NHSL2: variants seen among roughly 807,000 people sequenced by gnomAD.
NHSL2 encodes the protein NHS like 2.
A neutral mutation model predicts 53.4 loss-of-function variants in NHSL2; 27 were observed. The ratio of observed to expected loss-of-function variants is 0.51; its 90% confidence interval spans 0.37 to 0.70. The LOEUF (loss-of-function observed/expected upper bound fraction) is 0.70, where lower values mean the gene tolerates loss of function less well. Ranked by LOEUF, NHSL2 falls within the 30% of genes least tolerant of loss-of-function variation. NHSL2 has a pLI of 0.00. For synonymous variants in NHSL2, 408 were observed against 404.1 expected (o/e 1.01, Z -0.12); for missense variants, 892 against 980.1 (o/e 0.91, Z 1.20).
chrX:72,137,794 T>C (rs1243508828), intron 5 of NHSL2, among the ~76,000 whole-genome samples: 1 of 112,117 alleles, frequency 8.9e-6, no homozygotes, highest in Non-Finnish European at 1.9e-5. Flanking sequence ...CAGTGTCCAA[T>C]AAATGGTGGC....
chrX:72,014,246 T>G (rs1353315100), intron 1 of NHSL2, among the ~76,000 whole-genome samples: 1 of 112,022 alleles, frequency 8.9e-6, no homozygotes, highest in Non-Finnish European at 1.9e-5. Flanking sequence ...AGCTCTTTAT[T>G]TCATTGATTT....
At position 72,049,446 on chromosome X, in the gene NHSL2, G is replaced by C. The variant is rs138645100; in HGVS notation, c.281-82633G>C. On this transcript the variant is annotated intron_variant, in intron 1 of 7. Transcript: ENST00000633930. ...CAAAGGCATTGCAGCTCTCCAAGCT[G>C]TACATCTAGCAGGAGGAGGCACCTT... is the stretch of plus-strand genomic sequence containing the variant. Among the ~76,000 whole-genome samples, 650 of 110,934 alleles carry C rather than the reference G, an allele frequency of 5.9e-3. 4 individuals are homozygous for C. The highest frequency in any genetic ancestry group is 0.02 in the African/African-American group (620 of 30,437).
chrX:71,956,750 G>C (rs916473358), intron 1 of NHSL2, among the ~76,000 whole-genome samples: 6 of 111,078 alleles, frequency 5.4e-5, no homozygotes, highest in Admixed American at 2.9e-4. Context: ...CAGCCAACAC[G>C]TAACTGAGCT....
intron 1 of NHSL2, among the ~76,000 whole-genome samples, chrX:72,004,287 G>A (rs2042083908): frequency 8.9e-6 from 1 of 112,288 alleles, no homozygotes; most frequent in Non-Finnish European, 1.9e-5. Flanking sequence ...GGCTCGCACT[G>A]CCTATTTAGC....
At chrX:72,040,231 C>T (rs892430782) in intron 1 of NHSL2, among the ~76,000 whole-genome samples, 1 of 111,707 alleles carries the variant, frequency 9.0e-6, no homozygotes, top group Non-Finnish European at 1.9e-5. Flanking sequence ...AAGGAATCAG[C>T]GCTGGATGGG....
At chrX:72,136,455 CA>C (rs2042356449) in intron 4 of NHSL2, among the ~76,000 whole-genome samples, 1 of 111,256 alleles carries the variant, frequency 9.0e-6, no homozygotes, top group Admixed American at 9.5e-5. Context: ...ATTGAAAAGC[CA>C]GTGCCAGGAA....
intron 1 of NHSL2, among the ~76,000 whole-genome samples, chrX:72,037,783 C>T (rs1288489930): frequency 3.6e-5 from 4 of 111,806 alleles, no homozygotes; most frequent in Non-Finnish European, 5.6e-5. Flanking sequence ...TGAGAGATAC[C>T]GTGTTGCAGG....
At chrX:71,987,579 C>T (rs1168413433) in intron 1 of NHSL2, among the ~76,000 whole-genome samples, 1 of 112,608 alleles carries the variant, frequency 8.9e-6, no homozygotes. Flanking sequence ...TTTTATTTTA[C>T]CAGTAACCTT....
At chrX:71,919,891 G>C (rs1405822055) in intron 1 of NHSL2, among the ~76,000 whole-genome samples, 3 of 112,866 alleles carry the variant, frequency 2.7e-5, no homozygotes, top group African/African-American at 9.6e-5. Context: ...CTGCCTTTGG[G>C]CAGAGCTCTT....
intron 1 of NHSL2, among the ~76,000 whole-genome samples, chrX:71,936,084 A>G (rs1335320473): frequency 1.8e-5 from 2 of 112,175 alleles, no homozygotes; most frequent in African/African-American, 3.2e-5. Context: ...TCATAAGCCT[A>G]TTTGACAGAG....
chrX:71,911,906 C>T (rs1013691020), intron 1 of NHSL2, among the ~76,000 whole-genome samples: 1 of 111,985 alleles, frequency 8.9e-6, no homozygotes, highest in Non-Finnish European at 1.9e-5. Flanking sequence ...AGCGTGGACG[C>T]GGCTCCCACT....
At chrX:72,134,258 A>G in intron 3 of NHSL2, 40 bp downstream of exon 3, 1 of 1,140,234 alleles carries the variant, frequency 8.8e-7, no homozygotes, top group Non-Finnish European at 1.2e-6. Flanking sequence ...GCCAGCATGC[A>G]CCCACTGACA....
At chrX:72,091,337 C>T (rs1403261057) in intron 1 of NHSL2, among the ~76,000 whole-genome samples, 2 of 111,250 alleles carry the variant, frequency 1.8e-5, no homozygotes, top group Non-Finnish European at 3.8e-5. Context: ...GCCTGTAGTC[C>T]CAGCTACTCA....
rs1044178208 is a variant in NHSL2 at position 72,146,023 on chromosome X, T to C, written c.*2449T>C. 2 of 112,229 alleles carry C rather than the reference T, an allele frequency of 1.8e-5. No individual in the cohort carries two copies. Among genetic ancestry groups the C allele is most frequent in the Non-Finnish European group, 3.8e-5 (2 of 52,851 alleles). 9.2% of individuals were successfully genotyped at this position (112,229 alleles called of 1,213,427 possible). On this transcript the variant is annotated 3_prime_UTR_variant, in exon 8 of 8. Coordinates refer to ENST00000633930, the MANE Select transcript of NHSL2 (RefSeq NM_001013627.3). ...AAGAGGATTTGGGGCAGAAATCATA[T>C]GGTCAGAGAGAACATTTAAGACCGG...
chrX:72,125,806 A>G (rs1488344255), intron 1 of NHSL2, among the ~76,000 whole-genome samples: 2 of 111,738 alleles, frequency 1.8e-5, no homozygotes, highest in Non-Finnish European at 3.8e-5. Context: ...GGGGCAGTCA[A>G]CCACATACTT....
chrX:71,963,536 C>G (rs187988991), intron 1 of NHSL2, among the ~76,000 whole-genome samples: 99 of 111,105 alleles, frequency 8.9e-4, no homozygotes, highest in African/African-American at 2.7e-3. Flanking sequence ...TAACTACATG[C>G]TGTCTCTAGG....
intron 1 of NHSL2, among the ~76,000 whole-genome samples, chrX:71,920,012 CCTT>C (rs1300387740): frequency 8.9e-6 from 1 of 112,737 alleles, no homozygotes; most frequent in East Asian, 2.8e-4. Context: ...TGAAGAAACA[CCTT>C]CTCACAGAAC....
At chrX:71,975,587 C>G (rs1427434968) in intron 1 of NHSL2, among the ~76,000 whole-genome samples, 1 of 111,451 alleles carries the variant, frequency 9.0e-6, no homozygotes, top group Non-Finnish European at 1.9e-5. Context: ...CATTCCCTGC[C>G]CCTTCCCCTG....
chrX:71,995,735 C>T (rs1422174512), intron 1 of NHSL2, among the ~76,000 whole-genome samples: 1 of 112,421 alleles, frequency 8.9e-6, no homozygotes, highest in African/African-American at 3.2e-5. Context: ...TTTCTCCAAG[C>T]CAGTTATTGC....
Sources: allele counts gnomAD v4.1 joint callset (sites outside exome capture counted in the v4.1 genomes callset), GRCh38; gene constraint gnomAD v4.1.1; transcripts MANE v1.5; gene names NCBI Gene and HGNC (gene_info 2026-07-23, HGNC 2026-07-21).